The following ULK4 variants were observed in gnomAD, a reference collection of about 807,000 sequenced individuals.
ULK4 encodes inactive serine/threonine-protein kinase ULK4.
Under a neutral mutation model 160.6 loss-of-function variants are expected in ULK4, and 133 were observed. The ratio of observed to expected loss-of-function variants is 0.83; its 90% confidence interval spans 0.72 to 0.96. The LOEUF (loss-of-function observed/expected upper bound fraction) is 0.96. Among genes scored for constraint, ULK4 ranks in the 40% least tolerant of loss-of-function variants. The pLI, the probability that ULK4 is intolerant of heterozygous loss-of-function variation, is 0.00. For synonymous variants in ULK4, 534 were observed against 539.8 expected, an observed-to-expected ratio of 0.99 and a Z score of 0.15; for missense variants, 1,580 against 1,499.5, an observed-to-expected ratio of 1.05 and a Z score of -0.89.
At chr3:41,827,436 A>G (rs2041402239) in intron 18 of ULK4, among the ~76,000 whole-genome samples, 1 of 152,160 alleles carries the variant, frequency 6.6e-6, no homozygotes, top group African/African-American at 2.4e-5. Context: ...ACAACAATCA[A>G]ATAGACGCAA....
chr3:41,677,608 G>T (rs1372512498), intron 29 of ULK4, among the ~76,000 whole-genome samples: 1 of 152,154 alleles, frequency 6.6e-6, no homozygotes, highest in African/African-American at 2.4e-5. Context: ...TGGGATTACA[G>T]GTGAGAGCCA....
chr3:41,299,274 T>C (rs930787657), intron 35 of ULK4, among the ~76,000 whole-genome samples: 3 of 152,204 alleles, frequency 2.0e-5, no homozygotes, highest in Admixed American at 2.0e-4. Context: ...ATCCCAGATA[T>C]GTGAGACAGA....
At chr3:41,615,024 C>G (rs2032892700) in intron 31 of ULK4, among the ~76,000 whole-genome samples, 1 of 152,108 alleles carries the variant, frequency 6.6e-6, no homozygotes, top group African/African-American at 2.4e-5. Context: ...CTTGCAAGCA[C>G]CAACTCAATT....
intron 17 of ULK4, among the ~76,000 whole-genome samples, chr3:41,883,418 G>A (rs991011943): frequency 6.6e-6 from 1 of 152,112 alleles, no homozygotes; most frequent in Non-Finnish European, 1.5e-5. Flanking sequence ...CCAGTTCAAG[G>A]GATAAAACTC....
intron 2 of ULK4, among the ~76,000 whole-genome samples, chr3:41,946,676 T>C (rs765869419): frequency 6.6e-6 from 1 of 152,202 alleles, no homozygotes; most frequent in Non-Finnish European, 1.5e-5. Flanking sequence ...TATCCACCCT[T>C]ATATCCAGCA....
At chr3:41,758,877 A>G (rs74468362) in intron 21 of ULK4, among the ~76,000 whole-genome samples, 1 of 141,544 alleles carries the variant, frequency 7.1e-6, no homozygotes, top group African/African-American at 2.6e-5. Flanking sequence ...CATCTCAATT[A>G]AAAAAAAAAA....
At position 41,738,855 on chromosome 3, in the gene ULK4, T is replaced by G. The variant is rs74672938; in HGVS notation, c.2321+15506A>C. On this transcript the variant is annotated intron_variant, in intron 22 of 36. Coordinates refer to ENST00000301831, the MANE Select transcript of ULK4 (RefSeq NM_017886.4). ...TTATTAGTTTTGAATGGAGCTGAAG[T>G]AAGTAAAGGCTCTGCAGCAATTCTA... is the stretch of plus-strand genomic sequence containing the variant. 2.5e-3 allele frequency among the ~76,000 whole-genome samples: 379 copies of G among 152,034 alleles called. 5 individuals are homozygous for G. Among genetic ancestry groups the G allele is most frequent in the South Asian group, 3.1e-3 (15 of 4,830 alleles).
At position 41,956,299 on chromosome 3, in the gene ULK4, G is replaced by A. The variant is rs114743109; in HGVS notation, c.-48-1492C>T. 7.4e-3 allele frequency among the ~76,000 whole-genome samples: 1,128 copies of A among 152,298 alleles called. 15 individuals carry two copies. Among genetic ancestry groups the A allele is most frequent in the African/African-American group, 0.026 (1,083 of 41,568 alleles). ...ACCACTTGATTTACCGGAGGTGAGC[G>A]TGAAGAGGCCAGTGGGAAAGCTCTA... is the stretch of plus-strand genomic sequence containing the variant. On this transcript the variant is annotated intron_variant, in intron 1 of 36. Transcript: ENST00000301831.
chr3:41,901,482 T>C (rs1698361311), intron 12 of ULK4, among the ~76,000 whole-genome samples: 1 of 70,578 alleles, frequency 1.4e-5, no homozygotes, highest in Admixed American at 1.8e-4. Flanking sequence ...GCCCAGCCTT[T>C]TTTTTTTTTT....
At chr3:41,639,259 C>A (rs1436851) in intron 30 of ULK4, among the ~76,000 whole-genome samples, 26,315 of 152,134 alleles carry the variant, frequency 0.17, 2,398 homozygotes, top group South Asian at 0.23. Context: ...CATAGAAATT[C>A]TTTGTTGCAA....
At chr3:41,276,996 G>A (rs1400413762) in intron 35 of ULK4, among the ~76,000 whole-genome samples, 2 of 152,040 alleles carry the variant, frequency 1.3e-5, no homozygotes, top group Non-Finnish European at 2.9e-5. Context: ...ACATAAACTA[G>A]AAAACCTAGA....
At chr3:41,878,980 A>G (rs1697413128) in intron 17 of ULK4, among the ~76,000 whole-genome samples, 1 of 152,202 alleles carries the variant, frequency 6.6e-6, no homozygotes, top group East Asian at 1.9e-4. Flanking sequence ...CAGGTGATAA[A>G]GGACTATATT....
chr3:41,865,867 C>A (rs149900644), intron 17 of ULK4, among the ~76,000 whole-genome samples: 44 of 151,644 alleles, frequency 2.9e-4, no homozygotes, highest in African/African-American at 1.0e-3. Flanking sequence ...AACTCTGTGA[C>A]CTTGCATAAA....
chr3:41,498,660 A>C (rs1459954871), intron 32 of ULK4, among the ~76,000 whole-genome samples: 2 of 151,206 alleles, frequency 1.3e-5, no homozygotes, highest in Non-Finnish European at 2.9e-5. Context: ...CAGTGGCACG[A>C]TCTCAGCCCA....
intron 31 of ULK4, among the ~76,000 whole-genome samples, chr3:41,610,719 C>A (rs1025742027): frequency 6.6e-6 from 1 of 152,158 alleles, no homozygotes; most frequent in East Asian, 1.9e-4. Context: ...TAGTGTATTG[C>A]TAATCCAATT....
chr3:41,857,786 AT>A (rs1225900037), intron 17 of ULK4, among the ~76,000 whole-genome samples: 1 of 152,094 alleles, frequency 6.6e-6, no homozygotes, highest in African/African-American at 2.4e-5. Context: ...GACCCTTTAA[AT>A]TTCTGCAGTA....
chr3:41,405,258 T>C (rs2082270407), intron 34 of ULK4, among the ~76,000 whole-genome samples: 1 of 152,198 alleles, frequency 6.6e-6, no homozygotes, highest in Non-Finnish European at 1.5e-5. Context: ...TTAATTCACT[T>C]AGGATAATGG....
chr3:41,914,727 G>A (rs1220982204), intron 8 of ULK4: 1 of 152,128 alleles, frequency 6.6e-6, no homozygotes, highest in African/African-American at 2.4e-5. Context: ...CATTTAAAAT[G>A]ACCAGGCAGC....
At position 41,900,746 on chromosome 3, in the gene ULK4, G is replaced by T; in HGVS notation, c.1266C>A (p.Thr422=). The change falls in exon 13 of 37, where the codon ACC becomes ACA. Residue 422 remains threonine, a synonymous_variant. Transcript: ENST00000301831. The part of the protein sequence containing the change: ...LIYTDSDLVV[T]PIIDNPKIMK... ...GCACCTTTGGATTGTCGATAATGGGGGTGACAACAAGATCTGAGTCCGTGT... is the reference window on the plus strand; with the variant it reads ...GCACCTTTGGATTGTCGATAATGGGTGTGACAACAAGATCTGAGTCCGTGT... 6.2e-7 allele frequency: 1 copy of T among 1,613,424 alleles called. No homozygotes were observed. Among genetic ancestry groups the T allele is most frequent in the South Asian group, 1.1e-5 (1 of 90,996 alleles).
Sources: gnomAD v4.1 joint callset for allele counts (sites outside exome capture counted in the v4.1 genomes callset) on GRCh38, gnomAD v4.1.1 for gene constraint, MANE v1.5 for transcripts, NCBI Gene and HGNC (gene_info 2026-07-23, HGNC 2026-07-21) for gene names.